The following ZGPAT variants were observed in gnomAD, a reference collection of about 807,000 sequenced individuals.
ZGPAT encodes zinc finger CCCH-type with G patch domain-containing protein.
In ZGPAT, 39 loss-of-function variants were observed where a neutral mutation model predicts 47.9. The ratio of observed to expected loss-of-function variants is 0.81; its 90% CI spans 0.63 to 1.06. The LOEUF (loss-of-function observed/expected upper bound fraction) is 1.06, where lower values mean the gene tolerates loss of function less well. Ranked by LOEUF, ZGPAT falls within the 50% of genes least tolerant of loss-of-function variation. ZGPAT has a pLI of 0.00. For missense variants in ZGPAT, 717 were observed against 681.4 expected, an observed-to-expected ratio of 1.05 and a Z score of -0.58; for synonymous variants, 348 against 292.9, an observed-to-expected ratio of 1.19 and a Z score of -1.92.
chr20:63,716,159 ATC>A (rs1486088885), intron 2 of ZGPAT, among the ~76,000 whole-genome samples: 2 of 151,972 alleles, frequency 1.3e-5, no homozygotes, highest in Non-Finnish European at 2.9e-5. Context: ...CCTCCCCAGT[ATC>A]TCGGACTACA....
intron 2 of ZGPAT, among the ~76,000 whole-genome samples, chr20:63,729,124 T>G (rs1459571534): frequency 6.6e-6 from 1 of 151,958 alleles, no homozygotes; most frequent in African/African-American, 2.4e-5. Context: ...CTCTGCCTTT[T>G]GGGTTCAAGC....
chr20:63,712,006 T>G (rs996409843), intron 2 of ZGPAT, among the ~76,000 whole-genome samples: 16 of 152,274 alleles, frequency 1.1e-4, no homozygotes, highest in African/African-American at 3.6e-4. Context: ...ACAAACATTT[T>G]AAATTTTGAT....
At chr20:63,732,096 T>TGG (rs144297013) in intron 2 of ZGPAT, among the ~76,000 whole-genome samples, 29,703 of 152,012 alleles carry the variant, frequency 0.2, 3,735 homozygotes, top group East Asian at 0.61. Context: ...TGTGCATGTA[T>TGG]GTGTATATGC....
At chr20:63,719,243 C>T (rs1448596181) in intron 2 of ZGPAT, among the ~76,000 whole-genome samples, 1 of 152,106 alleles carries the variant, frequency 6.6e-6, no homozygotes. Context: ...CAGTGTGGAT[C>T]CCTCAATTTA....
chr20:63,722,663 C>A (rs2091800407), intron 2 of ZGPAT, among the ~76,000 whole-genome samples: 1 of 151,800 alleles, frequency 6.6e-6, no homozygotes, highest in Admixed American at 6.6e-5. Context: ...TATGGAGTTT[C>A]ACTCTGTCAC....
chr20:63,715,840 A>G (rs1055973213), intron 2 of ZGPAT, among the ~76,000 whole-genome samples: 1 of 152,010 alleles, frequency 6.6e-6, no homozygotes, highest in African/African-American at 2.4e-5. Context: ...ATATAGAGAG[A>G]GAGAGAGAGA....
At chr20:63,710,442 G>T (rs2091653959) in intron 2 of ZGPAT, among the ~76,000 whole-genome samples, 1 of 152,198 alleles carries the variant, frequency 6.6e-6, no homozygotes, top group Non-Finnish European at 1.5e-5. Flanking sequence ...GTGAGCCACT[G>T]CGCCTGGCCC....
At position 63,733,440 on chromosome 20, in the gene ZGPAT, G is replaced by A. The variant is rs1054853579; in HGVS notation, c.718+88G>A. 3.8e-6 allele frequency: 6 copies of A among 1,596,614 alleles called. No individual in the cohort carries two copies. The African/African-American group carries it at 4.0e-5, about 11-fold the overall frequency. ...TGTGGCTGCTCCCTGCTTCCTTTGG[G>A]TTGAGTGTCGGGACTCTGGCTCTGG... On this transcript the variant is annotated intron_variant, in intron 3 of 6. Transcript: ENST00000355969.
At position 63,734,827 on chromosome 20, in the gene ZGPAT, G is replaced by A. The variant is rs1473916932; in HGVS notation, c.991+3G>A. 1.9e-6 allele frequency: 3 copies of A among 1,585,156 alleles called. No homozygotes were observed. The highest frequency in any genetic ancestry group is 2.6e-6 in the Non-Finnish European group (3 of 1,164,544). ...GATGGGCTATGAGTTTGGCAAGGGT[G>A]AGTACAAGCTGCCCTGGAGAAGTGG... On this transcript the variant is annotated splice_donor_region_variant and intron_variant, in intron 5 of 6. Transcript: ENST00000355969.
At chr20:63,709,189 C>T (rs1395692667) in intron 2 of ZGPAT, 25 bp downstream of exon 2, 14 of 1,602,928 alleles carry the variant, frequency 8.7e-6, no homozygotes, top group East Asian at 6.7e-5. Context: ...TGTCAGATGC[C>T]AACCTTAGGG....
chr20:63,719,037 G>A (rs2091760653), intron 2 of ZGPAT, among the ~76,000 whole-genome samples: 1 of 146,106 alleles, frequency 6.8e-6, no homozygotes, highest in South Asian at 2.2e-4. Context: ...CTGTACTCCA[G>A]CCTGGGCAAC....
intron 2 of ZGPAT, among the ~76,000 whole-genome samples, chr20:63,732,182 TGTGCATGTGTGG>T (rs755570528): frequency 1.4e-4 from 21 of 150,468 alleles, no homozygotes; most frequent in Non-Finnish European, 3.1e-4. Flanking sequence ...TGCATATGTG[TGTGCATGTGTGG>T]GTGCGGGTGC....
intron 2 of ZGPAT, among the ~76,000 whole-genome samples, chr20:63,731,508 G>GGT (rs752561558): frequency 3.2e-5 from 3 of 94,646 alleles, no homozygotes; most frequent in Admixed American, 1.1e-4. Context: ...ATTGGCCCTT[G>GGT]GTGTGTGTGT....
intron 2 of ZGPAT, among the ~76,000 whole-genome samples, chr20:63,728,876 G>A (rs2145682593): frequency 6.6e-6 from 1 of 152,316 alleles, no homozygotes; most frequent in East Asian, 1.9e-4. Flanking sequence ...TGCAAAGGCT[G>A]TAGACTTCCC....
chr20:63,714,454 G>A (rs1451954534), intron 2 of ZGPAT, among the ~76,000 whole-genome samples: 1 of 147,376 alleles, frequency 6.8e-6, no homozygotes, highest in East Asian at 2.0e-4. Flanking sequence ...AAAGTGGCTA[G>A]AACAAACATC....
intron 2 of ZGPAT, among the ~76,000 whole-genome samples, chr20:63,726,699 GTAGT>G: frequency 6.6e-6 from 1 of 151,584 alleles, no homozygotes; most frequent in Non-Finnish European, 1.5e-5. Context: ...AATAATTTTT[GTAGT>G]TTTAGTAGAG....
At chr20:63,715,022 A>T (rs927076528) in intron 2 of ZGPAT, among the ~76,000 whole-genome samples, 1 of 151,872 alleles carries the variant, frequency 6.6e-6, no homozygotes, top group Non-Finnish European at 1.5e-5. Flanking sequence ...TTAATGTGGT[A>T]TATTGATTTT....
chr20:63,719,826 C>T (rs6011052), intron 2 of ZGPAT, among the ~76,000 whole-genome samples: 6,617 of 151,650 alleles, frequency 0.044, 481 homozygotes, highest in African/African-American at 0.15. Context: ...CTACAACCTC[C>T]GCCTCCTGGG....
At chr20:63,711,235 A>G (rs2091664270) in intron 2 of ZGPAT, among the ~76,000 whole-genome samples, 1 of 151,954 alleles carries the variant, frequency 6.6e-6, no homozygotes, top group Non-Finnish European at 1.5e-5. Context: ...TCACCATATT[A>G]CCCAGGTCTC....
Sources: allele counts gnomAD v4.1 joint callset (sites outside exome capture counted in the v4.1 genomes callset), GRCh38; gene constraint gnomAD v4.1.1; transcripts MANE v1.5; gene names NCBI Gene and HGNC (gene_info 2026-07-23, HGNC 2026-07-21).